Variants in NBEA observed in about 807,000 individuals in gnomAD.
The protein encoded by NBEA is lysosomal-trafficking regulator 2.
In NBEA, 44 loss-of-function variants were observed where a neutral mutation model predicts 343.4. That is an observed-to-expected ratio of 0.13 (90% CI 0.10 to 0.16). NBEA has a LOEUF of 0.16. NBEA is among the 10% of genes least tolerant of loss of function. The pLI, the probability that NBEA is intolerant of heterozygous loss-of-function variation, is 1.00. For missense variants in NBEA, 2,555 were observed against 3,631.3 expected, an observed-to-expected ratio of 0.70 and a Z score of 7.62; for synonymous variants, 1,175 against 1,238.7, an observed-to-expected ratio of 0.95 and a Z score of 1.08.
chr13:35,585,578 G>C (rs1465097104), intron 46 of NBEA, among the ~76,000 whole-genome samples: 2 of 151,722 alleles, frequency 1.3e-5, no homozygotes, highest in South Asian at 4.2e-4. Flanking sequence ...GTGTCATTCA[G>C]TTACAAGCTA....
At chr13:35,210,247 G>A (rs1468203102) in intron 32 of NBEA, among the ~76,000 whole-genome samples, 2 of 151,738 alleles carry the variant, frequency 1.3e-5, no homozygotes, top group Non-Finnish European at 1.5e-5. Context: ...ATATTATAAT[G>A]AGAAAAATGT....
chr13:35,134,051 G>T (rs1330653723), intron 17 of NBEA, among the ~76,000 whole-genome samples: 1 of 152,002 alleles, frequency 6.6e-6, no homozygotes, highest in African/African-American at 2.4e-5. Context: ...GAGGTTAAAA[G>T]TTCAAAAGAG....
intron 34 of NBEA, among the ~76,000 whole-genome samples, chr13:35,279,404 G>A (rs926054578): frequency 3.9e-5 from 6 of 152,252 alleles, no homozygotes; most frequent in African/African-American, 1.4e-4. Flanking sequence ...CTGATTTTCA[G>A]TTCAGAGTTT....
Position 35,069,913 on chromosome 13 carries a change from C to T in NBEA, c.1245C>T (p.Thr415=). 1 of 1,565,628 alleles carries T rather than the reference C, an allele frequency of 6.4e-7. No individual in the cohort carries two copies. The highest frequency in any genetic ancestry group is 2.3e-5 in the East Asian group (1 of 43,552). ...IHQLGPGYKS[T]FKFKSESDIH... ...CCTTAGTTTTATTTTTTCAGAGTAC[C>T]TTCAAGTTTAAATCTGAGAGTGATA... Residue 415 remains threonine (T), a synonymous_variant, in exon 9 of 59, where the codon ACC becomes ACT. Coordinates refer to ENST00000379939, the MANE Select transcript of NBEA (RefSeq NM_001385012.1).
intron 34 of NBEA, among the ~76,000 whole-genome samples, chr13:35,288,046 A>G (rs758530757): frequency 6.6e-6 from 1 of 151,952 alleles, no homozygotes; most frequent in Non-Finnish European, 1.5e-5. Context: ...CCTTAGTACT[A>G]ACATTATATT....
intron 1 of NBEA, among the ~76,000 whole-genome samples, chr13:34,951,523 G>A (rs1237541270): frequency 6.6e-6 from 1 of 152,142 alleles, no homozygotes; most frequent in Non-Finnish European, 1.5e-5. Context: ...TTTTAGCTTG[G>A]AGTACCTGAG....
At chr13:35,119,702 C>T (rs992778720) in intron 16 of NBEA, among the ~76,000 whole-genome samples, 2 of 152,150 alleles carry the variant, frequency 1.3e-5, no homozygotes, top group Non-Finnish European at 2.9e-5. Context: ...TCTCCTGCCT[C>T]AGCCTCCTGA....
intron 33 of NBEA, among the ~76,000 whole-genome samples, chr13:35,211,856 TA>T (rs1422766657): frequency 1.4e-5 from 2 of 141,778 alleles, no homozygotes; most frequent in Non-Finnish European, 3.2e-5. Flanking sequence ...ACAAACAAAC[TA>T]AGTAACTTTC....
chr13:35,663,629 T>A (rs1453156208), intron 55 of NBEA, among the ~76,000 whole-genome samples: 1 of 152,232 alleles, frequency 6.6e-6, no homozygotes. Flanking sequence ...AAAACTCTTA[T>A]CAATGCTTAA....
At chr13:35,105,516 G>A (rs551813092) in intron 11 of NBEA, among the ~76,000 whole-genome samples, 1 of 152,122 alleles carries the variant, frequency 6.6e-6, no homozygotes, top group Admixed American at 6.6e-5. Flanking sequence ...TGGCGCTATA[G>A]ACCTTCACAT....
At chr13:35,073,479 C>T (rs2063965987) in intron 10 of NBEA, among the ~76,000 whole-genome samples, 1 of 151,960 alleles carries the variant, frequency 6.6e-6, no homozygotes, top group Admixed American at 6.6e-5. Context: ...CTTCTTTGCC[C>T]TCTGTGTTTC....
At chr13:35,196,715 G>A (rs769823146) in intron 31 of NBEA, among the ~76,000 whole-genome samples, 11 of 151,982 alleles carry the variant, frequency 7.2e-5, no homozygotes, top group Admixed American at 7.2e-4. Context: ...ATAATTGTTG[G>A]AGATTATATG....
chr13:34,957,517 C>G (rs1165327623), intron 1 of NBEA, among the ~76,000 whole-genome samples: 1 of 152,048 alleles, frequency 6.6e-6, no homozygotes, highest in Non-Finnish European at 1.5e-5. Context: ...ATCCCAAGTC[C>G]TCCTTTATCT....
At chr13:35,532,793 A>T (rs1322880564) in intron 41 of NBEA, among the ~76,000 whole-genome samples, 1 of 152,108 alleles carries the variant, frequency 6.6e-6, no homozygotes, top group East Asian at 1.9e-4. Context: ...GGATGATGGG[A>T]GTTGCTGATA....
At chr13:35,216,868 C>T (rs2322524) in intron 33 of NBEA, among the ~76,000 whole-genome samples, 152,094 of 152,102 alleles carry the variant, frequency 1, 76,043 homozygotes, top group Middle Eastern at 1. Flanking sequence ...CAGTGGACAT[C>T]TGTTTTTATG....
chr13:35,295,583 A>T (rs555114682), intron 35 of NBEA, among the ~76,000 whole-genome samples: 1 of 152,328 alleles, frequency 6.6e-6, no homozygotes, highest in East Asian at 1.9e-4. Context: ...AGTGAGGCAT[A>T]AAGATTATAG....
intron 34 of NBEA, among the ~76,000 whole-genome samples, chr13:35,269,886 G>C (rs970770428): frequency 6.6e-6 from 1 of 152,136 alleles, no homozygotes; most frequent in Non-Finnish European, 1.5e-5. Flanking sequence ...CTCTGGAGGG[G>C]AGCAAGGACA....
At chr13:35,466,285 A>G (rs1178508860) in intron 40 of NBEA, among the ~76,000 whole-genome samples, 5 of 152,224 alleles carry the variant, frequency 3.3e-5, no homozygotes, top group Non-Finnish European at 7.3e-5. Flanking sequence ...CAAGAGGCCA[A>G]TTCCTGAAAA....
intron 34 of NBEA, among the ~76,000 whole-genome samples, chr13:35,275,739 C>A (rs952541620): frequency 9.9e-5 from 15 of 152,032 alleles, no homozygotes; most frequent in African/African-American, 3.4e-4. Flanking sequence ...ATGCAGCCAA[C>A]GGACACATGA....
Sources: gnomAD v4.1 joint callset for allele counts (sites outside exome capture counted in the v4.1 genomes callset) on GRCh38, gnomAD v4.1.1 for gene constraint, MANE v1.5 for transcripts, NCBI Gene and HGNC (gene_info 2026-07-23, HGNC 2026-07-21) for gene names.